The following GABRG2 variants were observed in gnomAD, a reference collection of about 807,000 sequenced individuals.
GABRG2 encodes the protein gamma-aminobutyric acid type A receptor subunit gamma2.
Under a neutral mutation model 56.4 loss-of-function variants are expected in GABRG2, and 16 were observed. The observed-to-expected ratio is 0.28, with a 90% confidence interval of 0.19 to 0.43. The LOEUF (loss-of-function observed/expected upper bound fraction) is 0.43. GABRG2 is among the 20% of genes least tolerant of loss of function. GABRG2 has a pLI of 1.00. For synonymous variants in GABRG2, 208 were observed against 205.5 expected (o/e 1.01, Z -0.10); for missense variants, 327 against 582.7 (o/e 0.56, Z 4.52).
intron 1 of GABRG2, among the ~76,000 whole-genome samples, chr5:162,075,753 A>G (rs546115366): frequency 7.9e-5 from 12 of 151,042 alleles, no homozygotes; most frequent in African/African-American, 1.5e-4. Flanking sequence ...GGCTGTCAGG[A>G]AAAAAAAATA....
intron 7 of GABRG2, among the ~76,000 whole-genome samples, chr5:162,145,235 G>A (rs1764869671): frequency 6.6e-6 from 1 of 152,170 alleles, no homozygotes; most frequent in African/African-American, 2.4e-5. Context: ...CCATCTTGGA[G>A]CATATAAAAG....
intron 2 of GABRG2, 43 bp downstream of exon 2, chr5:162,094,022 T>C: frequency 3.2e-6 from 5 of 1,585,318 alleles, no homozygotes; most frequent in Non-Finnish European, 4.3e-6. Flanking sequence ...TAGGAGCACA[T>C]AAACATGTCT....
At position 162,095,574 on chromosome 5, in the gene GABRG2, A is replaced by G. The variant is rs188717038; in HGVS notation, c.327+12A>G. 3.8e-6 allele frequency: 6 copies of G among 1,570,336 alleles called. No homozygotes were observed. In the Admixed American group the frequency reaches 6.7e-5, roughly 18 times the overall value. ...ACGCTATCAATATGGTGAGTTTCCA[A>G]ATAAAATTCTTTGTCTGTTTTATTA... On this transcript the variant is annotated intron_variant, in intron 3 of 9. Coordinates refer to ENST00000639213, the MANE Select transcript of GABRG2 (RefSeq NM_198904.4).
At chr5:162,139,999 A>G (rs918971621) in intron 6 of GABRG2, among the ~76,000 whole-genome samples, 2 of 152,230 alleles carry the variant, frequency 1.3e-5, no homozygotes, top group African/African-American at 4.8e-5. Flanking sequence ...CTCTTCAGTC[A>G]TAGCCTGTGC....
At chr5:162,080,119 G>T (rs765056668) in intron 1 of GABRG2, among the ~76,000 whole-genome samples, 6 of 152,100 alleles carry the variant, frequency 3.9e-5, no homozygotes, top group Non-Finnish European at 8.8e-5. Context: ...CTGTCTTCCT[G>T]TCTTCAATAA....
At chr5:162,098,122 A>C in intron 4 of GABRG2, 1 of 483,512 alleles carries the variant, frequency 2.1e-6, no homozygotes, top group Non-Finnish European at 3.7e-6. Context: ...AACTGACCTG[A>C]AATTTCCTTT....
At chr5:162,081,546 C>A (rs1436460124) in intron 1 of GABRG2, among the ~76,000 whole-genome samples, 2 of 151,932 alleles carry the variant, frequency 1.3e-5, no homozygotes, top group Non-Finnish European at 2.9e-5. Flanking sequence ...TGTTACTCAT[C>A]ATTGAAGATT....
At chr5:162,082,164 A>G (rs1759718393) in intron 1 of GABRG2, among the ~76,000 whole-genome samples, 3 of 151,810 alleles carry the variant, frequency 2.0e-5, no homozygotes. Context: ...AAGACTAGAG[A>G]AAGTAATAAT....
At chr5:162,113,465 C>T (rs1762395808) in intron 6 of GABRG2, among the ~76,000 whole-genome samples, 1 of 152,108 alleles carries the variant, frequency 6.6e-6, no homozygotes, top group Non-Finnish European at 1.5e-5. Flanking sequence ...TCTTCCATGC[C>T]CACTACAAAC....
chr5:162,087,111 AC>A (rs1192706116), intron 1 of GABRG2, among the ~76,000 whole-genome samples: 1 of 151,996 alleles, frequency 6.6e-6, no homozygotes, highest in Non-Finnish European at 1.5e-5. Context: ...AAAACAATAA[AC>A]TATGATAGGG....
chr5:162,072,895 A>G (rs1468368359), intron 1 of GABRG2, among the ~76,000 whole-genome samples: 3 of 152,016 alleles, frequency 2.0e-5, no homozygotes, highest in Admixed American at 1.3e-4. Flanking sequence ...TGATGTTTAT[A>G]TATGTGTATA....
intron 1 of GABRG2, among the ~76,000 whole-genome samples, chr5:162,086,428 T>A (rs963025542): frequency 1.3e-5 from 2 of 152,034 alleles, no homozygotes; most frequent in African/African-American, 4.8e-5. Flanking sequence ...TAGCTAAACT[T>A]GATTAGTTTG....
intron 6 of GABRG2, among the ~76,000 whole-genome samples, chr5:162,138,529 G>A (rs766710468): frequency 1.3e-5 from 2 of 151,964 alleles, no homozygotes; most frequent in South Asian, 2.1e-4. Flanking sequence ...CTTAATCTCC[G>A]CATTACCTAA....
chr5:162,124,183 G>A (rs1191140657), intron 6 of GABRG2, among the ~76,000 whole-genome samples: 1 of 151,872 alleles, frequency 6.6e-6, no homozygotes, highest in African/African-American at 2.4e-5. Context: ...AAGGCTATAT[G>A]GCGGAATGAC....
chr5:162,142,915 A>AT (rs1481560528), intron 7 of GABRG2: 25 of 150,532 alleles, frequency 1.7e-4, no homozygotes, highest in African/African-American at 5.9e-4. Context: ...AAAAAAAAAG[A>AT]TTTTTTTACT....
At chr5:162,101,355 C>A (rs1422542191) in intron 5 of GABRG2, 38 bp downstream of exon 5, 9 of 1,316,790 alleles carry the variant, frequency 6.8e-6, no homozygotes, top group African/African-American at 1.5e-5. Context: ...TCCTCCCTCA[C>A]CTACAGTCTT....
At chr5:162,139,572 A>C (rs1315638812) in intron 6 of GABRG2, among the ~76,000 whole-genome samples, 1 of 152,206 alleles carries the variant, frequency 6.6e-6, no homozygotes, top group East Asian at 1.9e-4. Context: ...ATGGAAGTTT[A>C]GACTCTGACC....
intron 1 of GABRG2, among the ~76,000 whole-genome samples, chr5:162,070,967 T>A (rs919628739): frequency 2.0e-5 from 3 of 151,458 alleles, no homozygotes; most frequent in African/African-American, 7.3e-5. Flanking sequence ...TTTTGATTAT[T>A]CATACTTTAT....
At chr5:162,149,697 T>A in intron 8 of GABRG2, 1 of 515,880 alleles carries the variant, frequency 1.9e-6, no homozygotes, top group Non-Finnish European at 3.8e-6. Flanking sequence ...TACTGCAACC[T>A]CTGCCTCCTA....
Sources: gnomAD v4.1 joint callset for allele counts (sites outside exome capture counted in the v4.1 genomes callset) on GRCh38, gnomAD v4.1.1 for gene constraint, MANE v1.5 for transcripts, NCBI Gene and HGNC (gene_info 2026-07-23, HGNC 2026-07-21) for gene names.